Variants in SPON1 observed in about 807,000 individuals in gnomAD.
The protein encoded by SPON1 is spondin 1, also known as spondin-1.
In SPON1, 52 loss-of-function variants were observed where a neutral mutation model predicts 111.7. The observed-to-expected ratio is 0.47, with a 90% CI of 0.37 to 0.59. The LOEUF is 0.59. Ranked by LOEUF, SPON1 falls within the 20% of genes least tolerant of loss-of-function variation. The pLI, the probability that SPON1 is intolerant of heterozygous loss-of-function variation, is 0.00. For synonymous variants in SPON1, 410 were observed against 395.8 expected, an observed-to-expected ratio of 1.04 and a Z score of -0.43; for missense variants, 957 against 1,068.5, an observed-to-expected ratio of 0.90 and a Z score of 1.46.
At chr11:14,029,102 C>A (rs1554915712) in intron 2 of SPON1, among the ~76,000 whole-genome samples, 2 of 149,798 alleles carry the variant, frequency 1.3e-5, no homozygotes, top group African/African-American at 2.5e-5. Context: ...GAGGACTACA[C>A]CATGATTCAG....
At chr11:14,114,206 T>C (rs1554925764) in intron 5 of SPON1, among the ~76,000 whole-genome samples, 1 of 152,208 alleles carries the variant, frequency 6.6e-6, no homozygotes, top group Admixed American at 6.5e-5. Flanking sequence ...TCTGTCCCCC[T>C]ACTAGCCTTC....
chr11:14,222,767 A>T (rs997198491), intron 6 of SPON1, among the ~76,000 whole-genome samples: 1 of 152,236 alleles, frequency 6.6e-6, no homozygotes, highest in Non-Finnish European at 1.5e-5. Flanking sequence ...AAAGAAAAAA[A>T]ATTAAGCCCT....
At chr11:14,232,546 C>G (rs950633195) in intron 6 of SPON1, among the ~76,000 whole-genome samples, 1 of 152,284 alleles carries the variant, frequency 6.6e-6, no homozygotes, top group African/African-American at 2.4e-5. Context: ...CTTTTCCCTC[C>G]CCACTCTGGC....
At chr11:14,025,521 C>T (rs1271310190) in intron 2 of SPON1, among the ~76,000 whole-genome samples, 12 of 152,320 alleles carry the variant, frequency 7.9e-5, no homozygotes, top group African/African-American at 2.6e-4. Flanking sequence ...GTCACTGCTG[C>T]CCTGGCCCCA....
At chr11:14,057,844 C>CAAAAAAAAAAAAAAAAAAAAAAAAAAAA (rs1277903384) in intron 3 of SPON1, among the ~76,000 whole-genome samples, 3 of 125,460 alleles carry the variant, frequency 2.4e-5, no homozygotes, top group Admixed American at 8.1e-5. Context: ...AAAAAAAAAA[C>CAAAAAAAAAAAAAAAAAAAAAAAAAAAA]AAAACAAAAA....
intron 2 of SPON1, among the ~76,000 whole-genome samples, chr11:13,992,263 G>C (rs1848236948): frequency 6.6e-6 from 1 of 152,212 alleles, no homozygotes; most frequent in African/African-American, 2.4e-5. Context: ...CCTGCCCAGA[G>C]AAGAGAAATC....
intron 6 of SPON1, among the ~76,000 whole-genome samples, chr11:14,213,808 C>A (rs2133903118): frequency 6.6e-6 from 1 of 152,306 alleles, no homozygotes; most frequent in Admixed American, 6.5e-5. Context: ...ACTTCATGAG[C>A]AAGTTGCATT....
chr11:14,011,753 A>G (rs538773063), intron 2 of SPON1, among the ~76,000 whole-genome samples: 36 of 152,186 alleles, frequency 2.4e-4, no homozygotes, highest in African/African-American at 7.9e-4. Context: ...GGACAAATAA[A>G]AGTTAGAGAG....
At chr11:14,202,141 G>A (rs1554935701) in intron 6 of SPON1, among the ~76,000 whole-genome samples, 1 of 152,208 alleles carries the variant, frequency 6.6e-6, no homozygotes, top group Non-Finnish European at 1.5e-5. Flanking sequence ...TGGGAACCAA[G>A]CATGAGTCAA....
chr11:14,136,675 C>T (rs1382916381), intron 6 of SPON1, among the ~76,000 whole-genome samples: 6 of 152,090 alleles, frequency 3.9e-5, no homozygotes, highest in South Asian at 2.1e-4. Context: ...GGACTAGAGT[C>T]GAAAAATGCC....
intron 2 of SPON1, among the ~76,000 whole-genome samples, chr11:14,003,289 G>A (rs1357083060): frequency 6.6e-6 from 1 of 152,206 alleles, no homozygotes; most frequent in African/African-American, 2.4e-5. Context: ...GCACCAGTGA[G>A]ATCAGTCCAA....
At chr11:14,194,812 T>C (rs1163184441) in intron 6 of SPON1, among the ~76,000 whole-genome samples, 4 of 152,206 alleles carry the variant, frequency 2.6e-5, no homozygotes, top group Admixed American at 2.6e-4. Flanking sequence ...TTAGGAAATA[T>C]TTTTAAAATT....
chr11:14,021,967 T>A (rs900067826), intron 2 of SPON1, among the ~76,000 whole-genome samples: 2 of 152,218 alleles, frequency 1.3e-5, no homozygotes, highest in Non-Finnish European at 1.5e-5. Flanking sequence ...TTAAGTCTTT[T>A]GTGCAAGCAT....
chr11:14,080,406 T>G (rs937317594), intron 5 of SPON1, among the ~76,000 whole-genome samples: 1 of 151,938 alleles, frequency 6.6e-6, no homozygotes, highest in African/African-American at 2.4e-5. Flanking sequence ...TTTTTGTATT[T>G]TTAGTAGAGA....
intron 2 of SPON1, among the ~76,000 whole-genome samples, chr11:13,990,215 G>T (rs1848216890): frequency 6.6e-6 from 1 of 152,024 alleles, no homozygotes; most frequent in Non-Finnish European, 1.5e-5. Context: ...CTTGCTTTAT[G>T]AATCTGAGTG....
intron 5 of SPON1, among the ~76,000 whole-genome samples, chr11:14,091,591 C>T (rs974217106): frequency 3.9e-5 from 6 of 152,204 alleles, no homozygotes; most frequent in Admixed American, 6.5e-5. Flanking sequence ...CCTCATTGCC[C>T]GGGGCCAGCA....
At chr11:14,082,492 ATCTTTGATTC>A (rs1372311245) in intron 5 of SPON1, among the ~76,000 whole-genome samples, 3 of 152,158 alleles carry the variant, frequency 2.0e-5, no homozygotes, top group African/African-American at 7.2e-5. Flanking sequence ...TGACGTGCTT[ATCTTTGATTC>A]TTAGTGCCTG....
chr11:14,208,454 A>G (rs1848538735), intron 6 of SPON1, among the ~76,000 whole-genome samples: 2 of 152,022 alleles, frequency 1.3e-5, no homozygotes, highest in African/African-American at 4.8e-5. Flanking sequence ...TTTTCTTTTC[A>G]CTTCTCATAT....
intron 6 of SPON1, among the ~76,000 whole-genome samples, chr11:14,165,192 A>AG (rs1277757707): frequency 6.6e-6 from 1 of 152,204 alleles, no homozygotes; most frequent in Non-Finnish European, 1.5e-5. Flanking sequence ...GGAATGAACA[A>AG]GGACAGCTTG....
Sources: gnomAD v4.1 joint callset for allele counts (sites outside exome capture counted in the v4.1 genomes callset) on GRCh38, gnomAD v4.1.1 for gene constraint, MANE v1.5 for transcripts, NCBI Gene and HGNC (gene_info 2026-07-23, HGNC 2026-07-21) for gene names.